ZBTB7C: variants seen among roughly 807,000 people sequenced by gnomAD.
The protein encoded by ZBTB7C is zinc finger and BTB domain-containing protein 7C.
A neutral mutation model predicts 25.7 loss-of-function variants in ZBTB7C; 8 were observed. The ratio of observed to expected loss-of-function variants is 0.31; its 90% CI spans 0.18 to 0.56. The LOEUF is 0.56. Ranked by LOEUF, ZBTB7C falls within the 20% of genes least tolerant of loss-of-function variation. The pLI, the probability that ZBTB7C is intolerant of heterozygous loss-of-function variation, is 0.91. For synonymous variants in ZBTB7C, 394 were observed against 369.0 expected (o/e 1.07, Z -0.78); for missense variants, 824 against 855.2 (o/e 0.96, Z 0.46).
intron 3 of ZBTB7C, among the ~76,000 whole-genome samples, chr18:48,054,121 GAGTCT>G (rs2036815015): frequency 1.3e-5 from 2 of 152,202 alleles, no homozygotes; most frequent in Admixed American, 1.3e-4. Context: ...CACCATGTGG[GAGTCT>G]TGGGCGTGGG....
At chr18:48,286,223 A>C (rs2045046291) in intron 2 of ZBTB7C, among the ~76,000 whole-genome samples, 1 of 137,312 alleles carries the variant, frequency 7.3e-6, no homozygotes, top group African/African-American at 3.0e-5. Flanking sequence ...TTTGTCAGAG[A>C]AGAGGTGTGC....
At chr18:48,097,876 C>A (rs1163658103) in intron 3 of ZBTB7C, among the ~76,000 whole-genome samples, 1 of 151,266 alleles carries the variant, frequency 6.6e-6, no homozygotes, top group African/African-American at 2.4e-5. Flanking sequence ...TACTTACAAG[C>A]ATCTTTTTTT....
At chr18:48,188,921 A>G (rs961017556) in intron 2 of ZBTB7C, among the ~76,000 whole-genome samples, 1 of 152,148 alleles carries the variant, frequency 6.6e-6, no homozygotes, top group African/African-American at 2.4e-5. Flanking sequence ...TCCCAGTTGT[A>G]CTTTCTCTGA....
rs146013377 is a variant in ZBTB7C at position 48,210,431 on chromosome 18, C to T, written c.-78-24436G>A. Among the ~76,000 whole-genome samples, 51 of 152,188 alleles carry T rather than the reference C, an allele frequency of 3.4e-4. 1 individual carries two copies. Among genetic ancestry groups the T allele is most frequent in the African/African-American group, 1.1e-3 (44 of 41,540 alleles). On this transcript the variant is annotated intron_variant, in intron 2 of 4. Coordinates refer to ENST00000590800, the MANE Select transcript of ZBTB7C (RefSeq NM_001318841.2). ...GTCCATCAATTGATGAATGAATGAACGAATGAATAAAAGGCAGTATATCCA... is the reference window on the plus strand; with the variant it reads ...GTCCATCAATTGATGAATGAATGAATGAATGAATAAAAGGCAGTATATCCA...
intron 3 of ZBTB7C, among the ~76,000 whole-genome samples, chr18:48,180,088 C>CCCTT (rs1568282713): frequency 1.3e-5 from 1 of 77,108 alleles, no homozygotes; most frequent in Non-Finnish European, 2.6e-5. Flanking sequence ...AAGATATTTC[C>CCCTT]CCTTCCTTCC....
chr18:48,317,316 G>A (rs1420288307), intron 2 of ZBTB7C, among the ~76,000 whole-genome samples: 1 of 150,708 alleles, frequency 6.6e-6, no homozygotes, highest in Non-Finnish European at 1.5e-5. Flanking sequence ...CAGCAGGCTT[G>A]GCTAAAAACT....
intron 3 of ZBTB7C, among the ~76,000 whole-genome samples, chr18:48,125,601 G>A (rs910626497): frequency 1.3e-5 from 2 of 152,244 alleles, no homozygotes; most frequent in African/African-American, 4.8e-5. Context: ...ATAACAATAT[G>A]ATGGCTGGAG....
chr18:48,310,433 A>G (rs2045789068), intron 2 of ZBTB7C, among the ~76,000 whole-genome samples: 1 of 151,582 alleles, frequency 6.6e-6, no homozygotes, highest in Admixed American at 6.6e-5. Context: ...TCAGGTTTAA[A>G]AAAAAAAAAA....
At chr18:48,134,329 G>C (rs1015142147) in intron 3 of ZBTB7C, among the ~76,000 whole-genome samples, 1 of 152,150 alleles carries the variant, frequency 6.6e-6, no homozygotes, top group African/African-American at 2.4e-5. Flanking sequence ...AAACGCCCCA[G>C]ATTATTTATG....
intron 2 of ZBTB7C, among the ~76,000 whole-genome samples, chr18:48,250,963 C>G (rs556653494): frequency 8.5e-5 from 13 of 152,190 alleles, no homozygotes; most frequent in African/African-American, 2.9e-4. Flanking sequence ...ACCTCTCATG[C>G]CTATAATCCC....
chr18:48,341,715 G>A (rs117268153), intron 1 of ZBTB7C, among the ~76,000 whole-genome samples: 18 of 152,332 alleles, frequency 1.2e-4, no homozygotes, highest in African/African-American at 4.1e-4. Context: ...GGATCAGTTG[G>A]TCTAATTCAC....
chr18:48,072,305 T>A (rs1183212332), intron 3 of ZBTB7C, among the ~76,000 whole-genome samples: 1 of 152,224 alleles, frequency 6.6e-6, no homozygotes, highest in Non-Finnish European at 1.5e-5. Flanking sequence ...AAAATACCCA[T>A]GCTACAAAAG....
At chr18:48,295,796 C>T (rs191377192) in intron 2 of ZBTB7C, among the ~76,000 whole-genome samples, 230 of 152,244 alleles carry the variant, frequency 1.5e-3, no homozygotes, top group African/African-American at 5.3e-3. Context: ...TCCGCATTGG[C>T]TTCTCCTCCT....
At chr18:48,286,568 A>G (rs1174773890) in intron 2 of ZBTB7C, among the ~76,000 whole-genome samples, 1 of 152,172 alleles carries the variant, frequency 6.6e-6, no homozygotes, top group Non-Finnish European at 1.5e-5. Flanking sequence ...TAGCCTCAAA[A>G]TATGTTAAGA....
chr18:48,410,024 C>T (rs562563929), upstream of ZBTB7C, among the ~76,000 whole-genome samples: 2 of 129,316 alleles, frequency 1.5e-5, no homozygotes, highest in African/African-American at 7.7e-5. Flanking sequence ...GGCAGCGGTG[C>T]GGCAGAGATG....
intron 3 of ZBTB7C, among the ~76,000 whole-genome samples, chr18:48,075,539 G>A (rs1427689764): frequency 1.3e-5 from 2 of 152,174 alleles, no homozygotes; most frequent in East Asian, 3.9e-4. Context: ...TGAGATCATC[G>A]GCTTAGCGAT....
rs1464766736 is a variant in ZBTB7C, at chr18:48,029,697, C to A, written c.1423G>T (p.Ala475Ser). 3.8e-6 allele frequency: 6 copies of A among 1,599,484 alleles called. No individual in the cohort carries two copies. The East Asian group carries it at 1.3e-4, about 36-fold the overall frequency. ...GGCTTGCGGCCGCGTCGGGGCCGTG[C>A]CATGCGGCAGCTCTGGCGCTTGATG... ...RHIKRQSCRMARPRRGRKPAA... is the reference protein window; with the variant it reads ...RHIKRQSCRMSRPRRGRKPAA... Residue 475 changes from alanine (A) to serine (S), a missense_variant, in exon 5 of 5, where the codon GCA becomes TCA. Coordinates refer to ENST00000590800, the MANE Select transcript of ZBTB7C (RefSeq NM_001318841.2).
chr18:48,048,387 A>C (rs532246867), intron 3 of ZBTB7C, among the ~76,000 whole-genome samples: 18 of 152,326 alleles, frequency 1.2e-4, no homozygotes, highest in African/African-American at 3.6e-4. Flanking sequence ...CCCAAGTGGG[A>C]TCAAACAAAT....
intron 2 of ZBTB7C, among the ~76,000 whole-genome samples, chr18:48,314,318 T>C (rs2045894224): frequency 6.6e-6 from 1 of 152,162 alleles, no homozygotes; most frequent in Admixed American, 6.5e-5. Flanking sequence ...CTCTAAATCC[T>C]GGGGAACATG....
Sources: gnomAD v4.1 joint callset for allele counts (sites outside exome capture counted in the v4.1 genomes callset) on GRCh38, gnomAD v4.1.1 for gene constraint, MANE v1.5 for transcripts, NCBI Gene and HGNC (gene_info 2026-07-23, HGNC 2026-07-21) for gene names.